SH3YL1: variants seen among roughly 807,000 people sequenced by gnomAD.
The protein encoded by SH3YL1 is SH3 and SYLF domain containing 1.
SH3YL1 carries 41 observed loss-of-function variants against 45.8 expected under a neutral mutation model. That is an observed-to-expected ratio of 0.89 (90% CI 0.70 to 1.16). The LOEUF is 1.16. SH3YL1 is among the 50% of genes most tolerant of loss of function. The pLI, the probability that SH3YL1 is intolerant of heterozygous loss-of-function variation, is 0.00. For synonymous variants in SH3YL1, 152 were observed against 151.4 expected, an observed-to-expected ratio of 1.00 and a Z score of -0.03; for missense variants, 389 against 409.6, an observed-to-expected ratio of 0.95 and a Z score of 0.43.
chr2:229,745 AAAAAG>A (rs1378710062), intron 8 of SH3YL1: 2 of 378,082 alleles, frequency 5.3e-6, no homozygotes, highest in Non-Finnish European at 9.6e-6. Context: ...AAAAAAAAAA[AAAAAG>A]AAAGTGTCTT....
intron 1 of SH3YL1, among the ~76,000 whole-genome samples, chr2:258,418 G>C (rs1669450041): frequency 6.6e-6 from 1 of 152,088 alleles, no homozygotes; most frequent in Non-Finnish European, 1.5e-5. Context: ...GTGTAAAATA[G>C]GTGTTTTAAA....
In SH3YL1 at chr2:233,459, C is replaced by CTA. The variant is rs545926844; in HGVS notation, c.405-231_405-230insTA. ...AAATTATTACAGAAGGCTCTGGTAA[C>CTA]ATAGAACTGTGTTGAAAAAGAATAC... On this transcript the variant is annotated intron_variant, in intron 5 of 9. Transcript: ENST00000356150. 4.2e-4 allele frequency among the ~76,000 whole-genome samples: 64 copies of CTA among 152,272 alleles called. No individual in the cohort carries two copies. In the East Asian group the frequency reaches 9.5e-3, roughly 22 times the overall value.
chr2:255,568 G>T (rs570724957), intron 1 of SH3YL1, among the ~76,000 whole-genome samples: 3 of 152,210 alleles, frequency 2.0e-5, no homozygotes, highest in Non-Finnish European at 4.4e-5. Context: ...CTGCACTCCA[G>T]CCTGGGCAAC....
chr2:248,803 T>C (rs1346507395), intron 3 of SH3YL1, among the ~76,000 whole-genome samples: 2 of 152,158 alleles, frequency 1.3e-5, no homozygotes, highest in Non-Finnish European at 2.9e-5. Flanking sequence ...TCATGGAAAT[T>C]TGGATAATGC....
chr2:257,737 CAT>C (rs1454991928), intron 1 of SH3YL1, among the ~76,000 whole-genome samples: 7 of 152,228 alleles, frequency 4.6e-5, no homozygotes, highest in Non-Finnish European at 8.8e-5. Context: ...ACTTGCATAT[CAT>C]TCATTGCTCA....
Position 231,139 on chromosome 2 carries a change from G to A in SH3YL1, c.586C>T (p.Arg196Trp), listed in dbSNP as rs560342993. 3.4e-5 allele frequency: 55 copies of A among 1,613,850 alleles called. No individual in the cohort carries two copies. The highest frequency in any genetic ancestry group is 2.5e-4 in the East Asian group (11 of 44,882). ...AYDILFGDTP[R>W]PAQAEDLYEI... ...TAAAGATCTTCGGCTTGAGCAGGCC[G>A]CGGTGTATCTCCAAATAAAATGTCA... The change falls in exon 7 of 10, where the codon CGG becomes TGG. Residue 196 changes from arginine to tryptophan, a missense_variant. Transcript: ENST00000356150.
intron 9 of SH3YL1, among the ~76,000 whole-genome samples, chr2:224,560 C>T (rs2103018559): frequency 6.6e-6 from 1 of 152,290 alleles, no homozygotes; most frequent in Non-Finnish European, 1.5e-5. Context: ...CACACACTCC[C>T]TACACAGATA....
At chr2:242,679 A>C in intron 4 of SH3YL1, 2 of 1,298,104 alleles carry the variant, frequency 1.5e-6, no homozygotes, top group Non-Finnish European at 2.0e-6. Context: ...AATGTGAATG[A>C]ATTAAACAAC....
intron 1 of SH3YL1, among the ~76,000 whole-genome samples, chr2:257,571 A>G (rs1669398107): frequency 6.6e-6 from 1 of 152,212 alleles, no homozygotes; most frequent in Non-Finnish European, 1.5e-5. Context: ...AAGTGTTCAC[A>G]TAAGGAAAAT....
At chr2:261,517 T>A (rs1006055397) in intron 1 of SH3YL1, among the ~76,000 whole-genome samples, 5 of 152,274 alleles carry the variant, frequency 3.3e-5, no homozygotes, top group African/African-American at 1.2e-4. Context: ...TAACACATTT[T>A]TTTTTTAAAT....
At chr2:236,848 T>C (rs929489498) in intron 4 of SH3YL1, among the ~76,000 whole-genome samples, 1 of 152,216 alleles carries the variant, frequency 6.6e-6, no homozygotes, top group African/African-American at 2.4e-5. Context: ...TGCAAGTATG[T>C]TCTTAATAAT....
chr2:242,832 T>C, intron 4 of SH3YL1: 1 of 1,525,356 alleles, frequency 6.6e-7, no homozygotes, highest in Non-Finnish European at 8.8e-7. Context: ...GAGAAAGATG[T>C]GTCATGCAGA....
intron 1 of SH3YL1, among the ~76,000 whole-genome samples, chr2:262,036 G>A (rs1207291678): frequency 6.6e-6 from 1 of 152,100 alleles, no homozygotes; most frequent in South Asian, 2.1e-4. Context: ...GCTGCTAAAG[G>A]TATATTTAGA....
chr2:251,962 T>C (rs1277270931), intron 2 of SH3YL1, among the ~76,000 whole-genome samples: 2 of 152,218 alleles, frequency 1.3e-5, no homozygotes, highest in East Asian at 1.9e-4. Flanking sequence ...GAGGCTGGTC[T>C]GTAACACTGT....
intron 8 of SH3YL1, among the ~76,000 whole-genome samples, chr2:229,261 C>T (rs1267762179): frequency 1.3e-5 from 2 of 152,002 alleles, no homozygotes; most frequent in Non-Finnish European, 2.9e-5. Flanking sequence ...AGATCCTGAG[C>T]TCCAAAGAAC....
At chr2:230,555 C>T (rs1667989853) in intron 7 of SH3YL1, 2 of 198,358 alleles carry the variant, frequency 1.0e-5, no homozygotes, top group Non-Finnish European at 1.0e-5. Flanking sequence ...ACTCTGTTGC[C>T]TAGGCTGAGT....
intron 1 of SH3YL1, 85 bp from the exon 2 acceptor site, chr2:253,200 C>A: frequency 1.2e-6 from 1 of 818,650 alleles, no homozygotes; most frequent in Non-Finnish European, 1.9e-6. Context: ...TTCTCATATA[C>A]AATTGTCAGA....
intron 8 of SH3YL1, among the ~76,000 whole-genome samples, chr2:226,991 T>C (rs113942367): frequency 2.6e-5 from 4 of 152,046 alleles, no homozygotes; most frequent in African/African-American, 9.7e-5. Context: ...GGAATGCATA[T>C]GGTGGGTAGC....
chr2:230,981 A>AT (rs1222799211), intron 7 of SH3YL1, 42 bp downstream of exon 7: 1 of 1,593,758 alleles, frequency 6.3e-7, no homozygotes, highest in African/African-American at 1.3e-5. Context: ...ACAGAAAGAG[A>AT]TTTTCTGAGA....
Sources: gnomAD v4.1 joint callset for allele counts (sites outside exome capture counted in the v4.1 genomes callset) on GRCh38, gnomAD v4.1.1 for gene constraint, MANE v1.5 for transcripts, NCBI Gene and HGNC (gene_info 2026-07-23, HGNC 2026-07-21) for gene names.